The following DHRS7B variants were observed in gnomAD, a reference collection of about 807,000 sequenced individuals.
DHRS7B encodes the protein peroxisomal reductase activating PPAR-gamma.
A neutral mutation model predicts 26.4 loss-of-function variants in DHRS7B; 24 were observed. The observed-to-expected ratio is 0.91, with a 90% CI of 0.66 to 1.28. The LOEUF is 1.28. Ranked by LOEUF, DHRS7B falls within the 50% of genes most tolerant of loss-of-function variation. The probability of loss-of-function intolerance (pLI) is 0.00; values close to 1 mark genes in which losing one functional copy is unlikely to be tolerated. For missense variants in DHRS7B, 368 were observed against 419.4 expected, an observed-to-expected ratio of 0.88 and a Z score of 1.07; for synonymous variants, 142 against 166.4, an observed-to-expected ratio of 0.85 and a Z score of 1.13.
chr17:21,165,939 ATT>A (rs1974103118), intron 1 of DHRS7B, among the ~76,000 whole-genome samples: 1 of 148,462 alleles, frequency 6.7e-6, no homozygotes, highest in East Asian at 2.0e-4. Flanking sequence ...AAAAAACCAC[ATT>A]AAAAACCAAA....
chr17:21,185,934 C>G (rs1555540584), intron 5 of DHRS7B, among the ~76,000 whole-genome samples: 1 of 152,190 alleles, frequency 6.6e-6, no homozygotes, highest in Non-Finnish European at 1.5e-5. Flanking sequence ...GTGATCCGCC[C>G]ACCTCAGCCT....
intron 1 of DHRS7B, among the ~76,000 whole-genome samples, chr17:21,170,065 G>A (rs938876689): frequency 1.3e-5 from 2 of 152,088 alleles, no homozygotes; most frequent in Non-Finnish European, 2.9e-5. Context: ...CTTATTACAT[G>A]CAAGTTTTAA....
chr17:21,188,899 T>C (rs1457544785), intron 6 of DHRS7B, 36 bp downstream of exon 6: 3 of 1,613,422 alleles, frequency 1.9e-6, no homozygotes, highest in Non-Finnish European at 2.5e-6. Flanking sequence ...TATGAAAATC[T>C]GTCGGTCAGC....
chr17:21,157,381 C>G (rs1973904323), intron 1 of DHRS7B, among the ~76,000 whole-genome samples: 1 of 152,052 alleles, frequency 6.6e-6, no homozygotes, highest in Non-Finnish European at 1.5e-5. Context: ...GGGATTTATC[C>G]AAGATGTGTA....
At chr17:21,129,721 A>AG (rs1216920108) in intron 1 of DHRS7B, among the ~76,000 whole-genome samples, 2,596 of 149,234 alleles carry the variant, frequency 0.017, 74 homozygotes, top group African/African-American at 0.06. Context: ...AAAAAAAAAA[A>AG]AAAGAAAAAG....
Position 21,138,076 on chromosome 17 carries a change from ATAT to A in DHRS7B, c.20+11086_20+11088del, listed in dbSNP as rs1270392727. On this transcript the variant is annotated intron_variant, in intron 1 of 6. Transcript: ENST00000395511. ...GTGCCCGGCCTCTTTTAAAAAAAAA[ATAT>A]ATATATATATATATATATATATACA... Among the ~76,000 whole-genome samples the A allele has an allele frequency of 9.6e-4, 82 of 85,526 alleles. 4 individuals carry two copies. The highest frequency in any genetic ancestry group is 0.013 in the Middle Eastern group (2 of 150). 56.1% of individuals were successfully genotyped at this position (85,526 alleles called of 152,430 possible). A position where few individuals can be genotyped will look rare whatever the true frequency, so the allele number is the denominator to read the frequency against.
chr17:21,185,756 C>T (rs1047824118), intron 5 of DHRS7B, among the ~76,000 whole-genome samples: 5 of 151,714 alleles, frequency 3.3e-5, no homozygotes, highest in Non-Finnish European at 4.4e-5. Context: ...AGTGCGATCT[C>T]GGCTCACTAC....
At chr17:21,138,101 T>TATACACACACAC (rs1555536219) in intron 1 of DHRS7B, among the ~76,000 whole-genome samples, 116 of 86,060 alleles carry the variant, frequency 1.3e-3, no homozygotes, top group African/African-American at 5.9e-3. Context: ...TATATATATA[T>TATACACACACAC]ACACACACAC....
At chr17:21,143,624 G>A (rs930526412) in intron 1 of DHRS7B, among the ~76,000 whole-genome samples, 3 of 152,080 alleles carry the variant, frequency 2.0e-5, no homozygotes, top group African/African-American at 7.3e-5. Flanking sequence ...CAATTGTCAA[G>A]TATTTACAGA....
At chr17:21,171,951 A>G (rs763527619) in intron 1 of DHRS7B, 67 bp from the exon 2 acceptor site, 6 of 1,585,614 alleles carry the variant, frequency 3.8e-6, no homozygotes, top group Non-Finnish European at 5.2e-6. Context: ...GATGAGAGGA[A>G]GAGCCTAGGA....
intron 2 of DHRS7B, among the ~76,000 whole-genome samples, chr17:21,174,887 C>T (rs187919955): frequency 6.6e-6 from 1 of 152,328 alleles, no homozygotes; most frequent in East Asian, 1.9e-4. Context: ...CATCACCCCC[C>T]TCATTCCTGT....
rs1047145666 is a variant in DHRS7B, at chr17:21,171,767, G to C, written c.21-251G>C. 12 of 609,488 alleles carry C rather than the reference G, an allele frequency of 2.0e-5. No individual in the cohort carries two copies. The South Asian group carries it at 2.1e-4, about 10-fold the overall frequency. The allele number at this position is 609,488 out of a possible 1,614,324, so 37.8% of individuals were successfully genotyped here. On this transcript the variant is annotated intron_variant, in intron 1 of 6. Coordinates refer to ENST00000395511, the MANE Select transcript of DHRS7B (RefSeq NM_015510.5). Reference sequence around the variant, plus strand: ...TGTCCTAGGCTGAATGGCAATCTCCGCTTGTTCCCTGAGGGGCAGCATGAG... The same window carrying C: ...TGTCCTAGGCTGAATGGCAATCTCCCCTTGTTCCCTGAGGGGCAGCATGAG...
chr17:21,149,094 G>T (rs549006466), intron 1 of DHRS7B, among the ~76,000 whole-genome samples: 36 of 152,026 alleles, frequency 2.4e-4, no homozygotes, highest in African/African-American at 8.7e-4. Context: ...ATATAAAGGA[G>T]CTCCAATTTG....
chr17:21,140,268 C>T (rs1273015382), intron 1 of DHRS7B, among the ~76,000 whole-genome samples: 20 of 151,964 alleles, frequency 1.3e-4, no homozygotes, highest in Admixed American at 3.9e-4. Context: ...GTGATCCACC[C>T]GCCTTGGCCT....
At position 21,191,250 on chromosome 17, in the gene DHRS7B, TTGTCTC is replaced by T; in HGVS notation, c.*98_*103del. ...CATTTGTTGAGACTTTAATGGAGAT[TTGTCTC>T]ACAAGTGGGAAAGACTGAAGAAACA... On this transcript the variant is annotated 3_prime_UTR_variant, in exon 7 of 7. Coordinates refer to ENST00000395511, the MANE Select transcript of DHRS7B (RefSeq NM_015510.5). 7.7e-7 allele frequency: 1 copy of T among 1,295,792 alleles called. No homozygotes were observed. Among genetic ancestry groups the T allele is most frequent in the Non-Finnish European group, 1.1e-6 (1 of 917,792 alleles). The allele number at this position is 1,295,792 out of a possible 1,614,324, so 80.3% of individuals were successfully genotyped here. A position where few individuals can be genotyped will look rare whatever the true frequency, so the allele number is the denominator to read the frequency against.
chr17:21,177,675 T>C (rs972209787), intron 2 of DHRS7B, among the ~76,000 whole-genome samples: 3 of 152,204 alleles, frequency 2.0e-5, no homozygotes, highest in African/African-American at 4.8e-5. Flanking sequence ...CCCATCTCTA[T>C]CTGCCTGTGG....
At chr17:21,135,843 C>T (rs1044939274) in intron 1 of DHRS7B, among the ~76,000 whole-genome samples, 10 of 152,056 alleles carry the variant, frequency 6.6e-5, no homozygotes, top group Admixed American at 2.0e-4. Context: ...CAAAATTGGC[C>T]GTTACAATCT....
intron 1 of DHRS7B, among the ~76,000 whole-genome samples, chr17:21,151,535 T>C (rs540260997): frequency 6.8e-6 from 1 of 147,814 alleles, no homozygotes; most frequent in Admixed American, 6.8e-5. Flanking sequence ...AAAAAGAAGT[T>C]GCCACTTGTT....
intron 1 of DHRS7B, among the ~76,000 whole-genome samples, chr17:21,144,423 C>T (rs546831909): frequency 2.4e-4 from 36 of 152,310 alleles, no homozygotes; most frequent in African/African-American, 7.9e-4. Flanking sequence ...ACAAGCATTT[C>T]ATTTGTCATG....
Sources: gnomAD v4.1 joint callset for allele counts (sites outside exome capture counted in the v4.1 genomes callset) on GRCh38, gnomAD v4.1.1 for gene constraint, MANE v1.5 for transcripts, NCBI Gene and HGNC (gene_info 2026-07-23, HGNC 2026-07-21) for gene names.